Variants in CREBL2 observed in about 807,000 individuals in gnomAD.
The protein encoded by CREBL2 is cAMP-responsive element-binding protein-like 2.
Under a neutral mutation model 19.5 loss-of-function variants are expected in CREBL2, and 4 were observed. The ratio of observed to expected loss-of-function variants is 0.20; its 90% CI spans 0.10 to 0.47. CREBL2 has a LOEUF of 0.47. Among genes scored for constraint, CREBL2 ranks in the 20% least tolerant of loss-of-function variants. The probability of loss-of-function intolerance (pLI) is 0.98; values close to 1 mark genes in which losing one functional copy is unlikely to be tolerated. For synonymous variants in CREBL2, 42 were observed against 46.6 expected, an observed-to-expected ratio of 0.90 and a Z score of 0.40; for missense variants, 85 against 145.1, an observed-to-expected ratio of 0.59 and a Z score of 2.13.
rs193097735 is a variant in CREBL2 at position 12,625,973 on chromosome 12, C to T, written c.16-9804C>T. On this transcript the variant is annotated intron_variant, in intron 1 of 3. Coordinates refer to ENST00000228865, the MANE Select transcript of CREBL2 (RefSeq NM_001310.4). ...CCTGAAAAAGATGAGGATAATAGTG[C>T]TTACCTCATCTGAGGTAATGTGAAA... 3.3e-5 allele frequency among the ~76,000 whole-genome samples: 5 copies of T among 152,246 alleles called. No individual in the cohort carries two copies. The East Asian group carries it at 9.6e-4, about 29-fold the overall frequency.
Position 12,642,839 on chromosome 12 carries a change from G to GT in CREBL2, c.*844dup, listed in dbSNP as rs373790631. ...CAATCTAGGGTATATATGTATGTAT[G>GT]TTTCTTATTGTATGTCTATATATGT... On this transcript the variant is annotated 3_prime_UTR_variant, in exon 4 of 4. Coordinates refer to ENST00000228865, the MANE Select transcript of CREBL2 (RefSeq NM_001310.4). 15 of 152,700 alleles carry GT rather than the reference G, an allele frequency of 9.8e-5. No homozygotes were observed. Among genetic ancestry groups the GT allele is most frequent in the African/African-American group, 3.4e-4 (14 of 41,558 alleles). The allele number at this position is 152,700 out of a possible 1,614,324, so 9.5% of individuals were successfully genotyped here.
chr12:12,618,938 T>C (rs1047725415), intron 1 of CREBL2, among the ~76,000 whole-genome samples: 2 of 151,832 alleles, frequency 1.3e-5, no homozygotes, highest in African/African-American at 4.8e-5. Context: ...ACTCGGCAGG[T>C]TGAGGCAGGA....
At chr12:12,634,111 T>C (rs1031663813) in intron 1 of CREBL2, among the ~76,000 whole-genome samples, 9 of 152,232 alleles carry the variant, frequency 5.9e-5, no homozygotes, top group East Asian at 3.8e-4. Flanking sequence ...ATAAAACTTA[T>C]AAAAACAGGC....
At chr12:12,624,613 C>T (rs1459123065) in intron 1 of CREBL2, among the ~76,000 whole-genome samples, 1 of 152,136 alleles carries the variant, frequency 6.6e-6, no homozygotes, top group African/African-American at 2.4e-5. Context: ...TTATGCAGGC[C>T]CAATGGCAGC....
chr12:12,628,510 A>G (rs1237382274), intron 1 of CREBL2, among the ~76,000 whole-genome samples: 1 of 152,166 alleles, frequency 6.6e-6, no homozygotes, highest in Admixed American at 6.5e-5. Flanking sequence ...GCTTGTGCTT[A>G]TCATATCTAA....
chr12:12,619,865 T>A (rs1945347001), intron 1 of CREBL2, among the ~76,000 whole-genome samples: 1 of 152,208 alleles, frequency 6.6e-6, no homozygotes, highest in Non-Finnish European at 1.5e-5. Context: ...CCACACTTCT[T>A]TTCTACCTTG....
At chr12:12,639,139 A>T (rs1364394398) in intron 3 of CREBL2, among the ~76,000 whole-genome samples, 3 of 152,200 alleles carry the variant, frequency 2.0e-5, no homozygotes, top group African/African-American at 2.4e-5. Flanking sequence ...ACATTGTAGC[A>T]TGTATCATCA....
At chr12:12,628,745 G>A (rs1393280116) in intron 1 of CREBL2, among the ~76,000 whole-genome samples, 3 of 152,082 alleles carry the variant, frequency 2.0e-5, no homozygotes, top group Non-Finnish European at 2.9e-5. Flanking sequence ...CCAAAGTGCT[G>A]GGATTACAGT....
At chr12:12,631,779 A>G (rs1945444103) in intron 1 of CREBL2, among the ~76,000 whole-genome samples, 1 of 152,190 alleles carries the variant, frequency 6.6e-6, no homozygotes, top group African/African-American at 2.4e-5. Flanking sequence ...CATTTGTGTA[A>G]TACTTTTTTC....
intron 3 of CREBL2, among the ~76,000 whole-genome samples, chr12:12,638,445 A>G (rs1945492804): frequency 6.6e-6 from 1 of 152,204 alleles, no homozygotes; most frequent in Admixed American, 6.5e-5. Flanking sequence ...TCAAAAAAAA[A>G]GAAAAAGAGA....
chr12:12,641,604 C>T (rs569919871), intron 3 of CREBL2, among the ~76,000 whole-genome samples: 7 of 152,086 alleles, frequency 4.6e-5, no homozygotes, highest in East Asian at 3.9e-4. Context: ...CTACCACGCC[C>T]ATCTAGAACA....
At chr12:12,614,806 T>G (rs1487720148) in intron 1 of CREBL2, 10 of 386,398 alleles carry the variant, frequency 2.6e-5, no homozygotes, top group South Asian at 1.7e-4. Context: ...GAATGCTGGG[T>G]AACATTGTAG....
intron 1 of CREBL2, among the ~76,000 whole-genome samples, chr12:12,613,066 TC>T (rs1173319910): frequency 6.6e-6 from 1 of 152,164 alleles, no homozygotes; most frequent in African/African-American, 2.4e-5. Flanking sequence ...AGATGGGGTT[TC>T]TCCATGTTGG....
intron 1 of CREBL2, among the ~76,000 whole-genome samples, chr12:12,629,213 CCTTT>C (rs904861783): frequency 6.6e-6 from 1 of 152,176 alleles, no homozygotes; most frequent in African/African-American, 2.4e-5. Context: ...GAGGAGTATT[CCTTT>C]CTTAATAATA....
chr12:12,634,068 A>G (rs1007777340), intron 1 of CREBL2, among the ~76,000 whole-genome samples: 4 of 152,250 alleles, frequency 2.6e-5, no homozygotes, highest in Admixed American at 2.6e-4. Flanking sequence ...TTTAAAGAAT[A>G]GTGTATAGTT....
At chr12:12,626,883 G>A (rs7303128) in intron 1 of CREBL2, among the ~76,000 whole-genome samples, 139,200 of 148,488 alleles carry the variant, frequency 0.94, 65,183 homozygotes, top group East Asian at 0.95. Flanking sequence ...AAAAAAAAAA[G>A]AAAAGAAAAG....
At position 12,642,246 on chromosome 12, in the gene CREBL2, A is replaced by G. The variant is rs1159651937; in HGVS notation, c.*248A>G. On this transcript the variant is annotated 3_prime_UTR_variant, in exon 4 of 4. Transcript: ENST00000228865. ...GGTATTGCCACCCATGACATTTAAC[A>G]TGTTGTGATGCTTGAAAACACAGGA... is the stretch of plus-strand genomic sequence containing the variant. 8 of 347,792 alleles carry G rather than the reference A, an allele frequency of 2.3e-5. No homozygotes were observed. The Admixed American group carries it at 2.9e-4, about 13-fold the overall frequency. 21.5% of individuals were successfully genotyped at this position (347,792 alleles called of 1,614,324 possible).
chr12:12,639,079 T>A (rs976702803), intron 3 of CREBL2, among the ~76,000 whole-genome samples: 1 of 152,216 alleles, frequency 6.6e-6, no homozygotes, highest in African/African-American at 2.4e-5. Flanking sequence ...AGTATGTGAC[T>A]TTTTGGGTCT....
chr12:12,627,922 G>T (rs1945414796), intron 1 of CREBL2, among the ~76,000 whole-genome samples: 1 of 152,084 alleles, frequency 6.6e-6, no homozygotes, highest in South Asian at 2.1e-4. Context: ...GTCTCACTTT[G>T]TTGCCAGGAT....
Sources: allele counts gnomAD v4.1 joint callset (sites outside exome capture counted in the v4.1 genomes callset), GRCh38; gene constraint gnomAD v4.1.1; transcripts MANE v1.5; gene names NCBI Gene and HGNC (gene_info 2026-07-23, HGNC 2026-07-21).